The following DNAH3 variants were observed in gnomAD, a reference collection of about 807,000 sequenced individuals.
DNAH3 encodes the protein dynein axonemal heavy chain 3.
A neutral mutation model predicts 432.5 loss-of-function variants in DNAH3; 332 were observed. The observed-to-expected ratio is 0.77, with a 90% CI of 0.70 to 0.84. The LOEUF (loss-of-function observed/expected upper bound fraction) is 0.84, where lower values mean the gene tolerates loss of function less well. DNAH3 is among the 40% of genes least tolerant of loss of function. The pLI is 0.00. For missense variants in DNAH3, 4,861 were observed against 5,114.0 expected (o/e 0.95, Z 1.51); for synonymous variants, 1,956 against 1,900.2 (o/e 1.03, Z -0.76).
intron 26 of DNAH3, among the ~76,000 whole-genome samples, chr16:21,059,690 G>A (rs149212308): frequency 3.3e-5 from 5 of 151,400 alleles, no homozygotes; most frequent in African/African-American, 7.3e-5. Flanking sequence ...CAGGAGAATC[G>A]CTTGAACCCA....
chr16:20,936,286 G>A (rs2083586789), intron 60 of DNAH3, among the ~76,000 whole-genome samples: 1 of 151,986 alleles, frequency 6.6e-6, no homozygotes, highest in South Asian at 2.1e-4. Context: ...CCAGGTAGCT[G>A]AGACTACAGG....
intron 20 of DNAH3, among the ~76,000 whole-genome samples, chr16:21,079,466 T>C (rs2091099836): frequency 6.6e-6 from 1 of 151,852 alleles, no homozygotes; most frequent in African/African-American, 2.4e-5. Context: ...TCTACAAAAA[T>C]ACAAAAATTA....
exon 57 of DNAH3, chr16:20,948,636 C>T (rs752213030): frequency 1.2e-6 from 2 of 1,614,066 alleles, no homozygotes; most frequent in South Asian, 2.2e-5. Flanking sequence ...AATTACATTC[C>T]CCTGGGGACA....
At chr16:21,050,130 G>A (rs1394396333) in intron 29 of DNAH3, 112 bp from the exon 30 acceptor site, 2 of 760,906 alleles carry the variant, frequency 2.6e-6, no homozygotes, top group African/African-American at 3.5e-5. Context: ...AAAAGTGATT[G>A]CAGTTTTTGC....
chr16:21,042,000 C>T, intron 32 of DNAH3, 27 bp downstream of exon 32: 1 of 1,613,080 alleles, frequency 6.2e-7, no homozygotes, highest in African/African-American at 1.3e-5. Flanking sequence ...AAAAGCACAC[C>T]CCACATGTAT....
intron 54 of DNAH3, among the ~76,000 whole-genome samples, chr16:20,957,915 T>C (rs1187576275): frequency 2.0e-5 from 3 of 149,786 alleles, no homozygotes; most frequent in Non-Finnish European, 3.0e-5. Context: ...CATTATTTTA[T>C]GAATGCAAAA....
chr16:21,121,621 A>C (rs2092343633), intron 10 of DNAH3, among the ~76,000 whole-genome samples: 1 of 126,960 alleles, frequency 7.9e-6, no homozygotes, highest in Non-Finnish European at 1.6e-5. Flanking sequence ...TTTTTTTTGG[A>C]GATGGAGTCT....
chr16:20,993,707 A>G (rs886518171), intron 44 of DNAH3, among the ~76,000 whole-genome samples: 1 of 152,106 alleles, frequency 6.6e-6, no homozygotes, highest in African/African-American at 2.4e-5. Flanking sequence ...TTTTTGAGAC[A>G]GGGTCTTGCT....
At chr16:20,987,269 A>G (rs375035591) in intron 47 of DNAH3, 36 bp downstream of exon 47, 2 of 1,610,226 alleles carry the variant, frequency 1.2e-6, no homozygotes, top group Admixed American at 1.7e-5. Flanking sequence ...ACTTGGAACC[A>G]TTTCTGAGGT....
chr16:20,982,790 G>A, exon 49 of DNAH3: 15 of 1,614,202 alleles, frequency 9.3e-6, no homozygotes, highest in Non-Finnish European at 1.3e-5. Context: ...TAGGGCATCT[G>A]TGGGCCAGGA....
At chr16:21,101,490 T>C (rs952246900) in intron 16 of DNAH3, among the ~76,000 whole-genome samples, 3 of 152,166 alleles carry the variant, frequency 2.0e-5, no homozygotes, top group Admixed American at 6.5e-5. Context: ...TGAAATTAGG[T>C]TGAATAAGAG....
At chr16:20,975,697 G>T (rs1373502464) in intron 50 of DNAH3, among the ~76,000 whole-genome samples, 2 of 152,182 alleles carry the variant, frequency 1.3e-5, no homozygotes, top group Non-Finnish European at 2.9e-5. Flanking sequence ...CTCCCTCACT[G>T]AGTCTATATT....
intron 52 of DNAH3, among the ~76,000 whole-genome samples, chr16:20,966,041 T>G: frequency 9.4e-6 from 1 of 105,916 alleles, no homozygotes; most frequent in East Asian, 3.2e-4. Context: ...TTTTTTTTTT[T>G]TTTTTTTTTT....
At chr16:21,138,308 C>G (rs1383674610) in intron 5 of DNAH3, among the ~76,000 whole-genome samples, 3 of 151,798 alleles carry the variant, frequency 2.0e-5, no homozygotes, top group Admixed American at 2.0e-4. Flanking sequence ...ACTCTCGCCT[C>G]TCTCCAACGT....
At chr16:21,103,553 C>T (rs756988228) in intron 16 of DNAH3, among the ~76,000 whole-genome samples, 1 of 152,122 alleles carries the variant, frequency 6.6e-6, no homozygotes, top group African/African-American at 2.4e-5. Flanking sequence ...CACACACTCA[C>T]AAACACACAC....
intron 49 of DNAH3, 84 bp downstream of exon 49, chr16:20,982,637 C>A: frequency 8.4e-7 from 1 of 1,187,130 alleles, no homozygotes; most frequent in Non-Finnish European, 1.2e-6. Flanking sequence ...ATTGAGAAAT[C>A]TTCAAAACAA....
In DNAH3 at chr16:20,974,994, T is replaced by G. The variant is rs867772816; in HGVS notation, c.8259+239A>C. On this transcript the variant is annotated intron_variant, in intron 51 of 61. Coordinates refer to ENST00000261383, the Ensembl canonical transcript of DNAH3. ...CCACCACACCTGGCTAGTTTTTTTT[T>G]TTTTTTTTTTTTTTAAAGTAGAGAT... Among the ~76,000 whole-genome samples, 858 of 150,050 alleles carry G rather than the reference T, an allele frequency of 5.7e-3. 8 individuals carry two copies. Among genetic ancestry groups the G allele is most frequent in the African/African-American group, 0.02 (806 of 40,856 alleles).
intron 18 of DNAH3, among the ~76,000 whole-genome samples, chr16:21,088,943 C>T (rs2091456522): frequency 6.6e-6 from 1 of 152,154 alleles, no homozygotes; most frequent in African/African-American, 2.4e-5. Context: ...TTCTAACTCC[C>T]CACTAAATGA....
At chr16:21,069,455 C>A in exon 23 of DNAH3, 1 of 1,614,082 alleles carries the variant, frequency 6.2e-7, no homozygotes, top group South Asian at 1.1e-5. Context: ...ATCAACAATG[C>A]CAAATTTCCT....
Sources: allele counts gnomAD v4.1 joint callset (sites outside exome capture counted in the v4.1 genomes callset), GRCh38; gene constraint gnomAD v4.1.1; transcripts MANE v1.5; gene names NCBI Gene and HGNC (gene_info 2026-07-23, HGNC 2026-07-21).